Variants in ASTN2 observed in about 807,000 individuals in gnomAD.
The protein encoded by ASTN2 is astrotactin-2.
In ASTN2, 54 loss-of-function variants were observed where a neutral mutation model predicts 139.8. The ratio of observed to expected loss-of-function variants is 0.39; its 90% CI spans 0.31 to 0.48. ASTN2 has a LOEUF of 0.48. Among genes scored for constraint, ASTN2 ranks in the 20% least tolerant of loss-of-function variants. The pLI is 0.95. For missense variants in ASTN2, 1,565 were observed against 1,725.1 expected (o/e 0.91, Z 1.64); for synonymous variants, 756 against 719.5 (o/e 1.05, Z -0.81).
intron 20 of ASTN2, among the ~76,000 whole-genome samples, chr9:116,482,181 C>T (rs920423580): frequency 1.3e-5 from 2 of 152,090 alleles, no homozygotes; most frequent in Non-Finnish European, 2.9e-5. Context: ...AAAATATTAG[C>T]CGGGCGTGGT....
chr9:117,130,774 C>T, intron 4 of ASTN2, among the ~76,000 whole-genome samples: 1 of 152,100 alleles, frequency 6.6e-6, no homozygotes, highest in Non-Finnish European at 1.5e-5. Context: ...CATACATGTG[C>T]AATTGCAGAA....
At chr9:116,959,465 G>C (rs10123636) in intron 10 of ASTN2, among the ~76,000 whole-genome samples, 23,876 of 152,072 alleles carry the variant, frequency 0.16, 2,306 homozygotes, top group African/African-American at 0.27. Context: ...AGCAATGGAA[G>C]GGTCTAAAGC....
At chr9:116,506,727 A>G (rs116939096) in intron 19 of ASTN2, among the ~76,000 whole-genome samples, 43 of 152,296 alleles carry the variant, frequency 2.8e-4, no homozygotes, top group Non-Finnish European at 5.3e-4. Context: ...CTTTCAGAGT[A>G]ATTTCCGCTC....
chr9:116,648,618 T>A (rs1857732811), intron 17 of ASTN2, among the ~76,000 whole-genome samples: 1 of 152,190 alleles, frequency 6.6e-6, no homozygotes, highest in Admixed American at 6.5e-5. Flanking sequence ...CAGTGTTCAG[T>A]TTAGGACTGA....
intron 5 of ASTN2, among the ~76,000 whole-genome samples, chr9:117,074,461 T>C (rs1167628676): frequency 2.0e-5 from 3 of 152,298 alleles, no homozygotes; most frequent in South Asian, 2.1e-4. Context: ...TGAGTCAACA[T>C]GATACTCTAG....
chr9:116,874,790 A>T (rs1833253980), intron 10 of ASTN2, among the ~76,000 whole-genome samples: 1 of 152,152 alleles, frequency 6.6e-6, no homozygotes. Flanking sequence ...TTTCTTAAAG[A>T]TTGAAGGTCG....
rs533148714 is a variant in ASTN2, at chr9:117,141,218, T to C, written c.1168+108A>G. ...TTTATCAGGGAGAAAGTGGCACAAG[T>C]TTTATGAGCACAGGGAAGCAAGGGA... On this transcript the variant is annotated intron_variant, in intron 4 of 22. Transcript: ENST00000313400. 1.7e-3 allele frequency: 2,025 copies of C among 1,176,724 alleles called. 3 individuals are homozygous for C. The highest frequency in any genetic ancestry group is 2.1e-3 in the Non-Finnish European group (1,918 of 901,508). The allele number at this position is 1,176,724 out of a possible 1,614,324, so 72.9% of individuals were successfully genotyped here.
At chr9:117,211,958 A>T (rs913316523) in intron 3 of ASTN2, among the ~76,000 whole-genome samples, 19 of 123,612 alleles carry the variant, frequency 1.5e-4, no homozygotes, top group African/African-American at 5.3e-4. Context: ...TGAGAAAAAA[A>T]TAACAAAATT....
chr9:116,959,002 G>A (rs940334854), intron 10 of ASTN2, among the ~76,000 whole-genome samples: 2 of 152,170 alleles, frequency 1.3e-5, no homozygotes, highest in Non-Finnish European at 2.9e-5. Context: ...GAAGTGCAGT[G>A]AGGAGGTGAG....
chr9:116,851,377 T>C (rs940510097), intron 11 of ASTN2, among the ~76,000 whole-genome samples: 19 of 152,324 alleles, frequency 1.2e-4, no homozygotes, highest in Admixed American at 2.6e-4. Context: ...ACATGGGTGA[T>C]GGTTTAGGTG....
At chr9:116,704,975 C>A (rs1827954673) in intron 16 of ASTN2, among the ~76,000 whole-genome samples, 1 of 152,080 alleles carries the variant, frequency 6.6e-6, no homozygotes, top group African/African-American at 2.4e-5. Flanking sequence ...TAGAAACATG[C>A]ATGTTTAGCT....
intron 11 of ASTN2, among the ~76,000 whole-genome samples, chr9:116,834,783 T>C (rs10114776): frequency 0.24 from 36,084 of 152,162 alleles, 4,916 homozygotes; most frequent in East Asian, 0.5. Context: ...CACAGTGGCT[T>C]ATGCCCGTAA....
intron 3 of ASTN2, among the ~76,000 whole-genome samples, chr9:117,200,430 T>C (rs1372024965): frequency 6.6e-6 from 1 of 152,156 alleles, no homozygotes; most frequent in Non-Finnish European, 1.5e-5. Flanking sequence ...AGGGCATCCT[T>C]GCCTTCTACT....
intron 19 of ASTN2, among the ~76,000 whole-genome samples, chr9:116,601,762 T>C (rs1343615371): frequency 3.3e-5 from 5 of 152,140 alleles, no homozygotes; most frequent in Admixed American, 6.5e-5. Flanking sequence ...TTTGAATGTG[T>C]TGAGTTTGAA....
At chr9:116,780,555 A>G (rs1438265776) in intron 13 of ASTN2, among the ~76,000 whole-genome samples, 1 of 152,196 alleles carries the variant, frequency 6.6e-6, no homozygotes, top group Non-Finnish European at 1.5e-5. Flanking sequence ...GTAAGTTTCT[A>G]TCACGCAGTT....
At chr9:116,812,694 C>G (rs965564) in intron 12 of ASTN2, among the ~76,000 whole-genome samples, 113,120 of 152,092 alleles carry the variant, frequency 0.74, 42,193 homozygotes, top group African/African-American at 0.78. Context: ...TTGAGGTTTA[C>G]AGAAGTTGAG....
chr9:116,973,687 A>C (rs938610857), intron 10 of ASTN2, among the ~76,000 whole-genome samples: 2 of 152,238 alleles, frequency 1.3e-5, no homozygotes, highest in African/African-American at 4.8e-5. Context: ...GAGAGAACTT[A>C]GCACATGCTT....
intron 4 of ASTN2, among the ~76,000 whole-genome samples, chr9:117,123,240 A>G (rs2132818791): frequency 6.6e-6 from 1 of 152,128 alleles, no homozygotes; most frequent in Non-Finnish European, 1.5e-5. Flanking sequence ...ACTGTCCCAG[A>G]GCAATGAGGA....
intron 16 of ASTN2, chr9:116,687,384 A>T: frequency 7.5e-4 from 86 of 115,158 alleles, no homozygotes; most frequent in Non-Finnish European, 1.3e-3. Context: ...GCGGTCAGGT[A>T]GGGGGCGGGA....
Sources: allele counts gnomAD v4.1 joint callset (sites outside exome capture counted in the v4.1 genomes callset), GRCh38; gene constraint gnomAD v4.1.1; transcripts MANE v1.5; gene names NCBI Gene and HGNC (gene_info 2026-07-23, HGNC 2026-07-21).